CFAP77: variants seen among roughly 807,000 people sequenced by gnomAD.
CFAP77 encodes cilia- and flagella-associated protein 77.
CFAP77 carries 25 observed loss-of-function variants against 31.1 expected under a neutral mutation model. The observed-to-expected ratio is 0.80, with a 90% CI of 0.59 to 1.12. The LOEUF (loss-of-function observed/expected upper bound fraction) is 1.12. CFAP77 is among the 50% of genes most tolerant of loss of function. The pLI, the probability that CFAP77 is intolerant of heterozygous loss-of-function variation, is 0.00. For missense variants in CFAP77, 377 were observed against 397.3 expected, an observed-to-expected ratio of 0.95 and a Z score of 0.44; for synonymous variants, 151 against 159.9, an observed-to-expected ratio of 0.94 and a Z score of 0.42.
intron 1 of CFAP77, chr9:132,482,428 C>T (rs1316829844): frequency 1.2e-6 from 2 of 1,603,258 alleles, no homozygotes; most frequent in Admixed American, 1.7e-5. Context: ...GTGTTTCTTC[C>T]TTCTGCTAAA....
intron 3 of CFAP77, among the ~76,000 whole-genome samples, chr9:132,532,391 CG>C (rs1419151421): frequency 6.6e-6 from 1 of 152,306 alleles, no homozygotes; most frequent in East Asian, 1.9e-4. Flanking sequence ...CCTGATAGGG[CG>C]ATAGGGCAGG....
chr9:132,534,167 C>T (rs1316620433), intron 3 of CFAP77, among the ~76,000 whole-genome samples: 1 of 152,148 alleles, frequency 6.6e-6, no homozygotes, highest in Non-Finnish European at 1.5e-5. Flanking sequence ...GACCCATCTG[C>T]TGGGAAGCTC....
In CFAP77 at chr9:132,553,307, T is replaced by A. The variant is rs75695921; in HGVS notation, c.732+10260T>A. On this transcript the variant is annotated intron_variant, in intron 5 of 5. Transcript: ENST00000393216. ...TCACACTGGGGGTCAGGGATTCACA[T>A]ACGCTTTTTGTTGGCTGAGCATGGT... Among the ~76,000 whole-genome samples, 1,127 of 152,226 alleles carry A rather than the reference T, an allele frequency of 7.4e-3. 18 individuals carry two copies. Among genetic ancestry groups the A allele is most frequent in the African/African-American group, 0.026 (1,067 of 41,524 alleles).
intron 3 of CFAP77, among the ~76,000 whole-genome samples, chr9:132,536,968 G>C (rs947282643): frequency 1.3e-5 from 2 of 152,124 alleles, no homozygotes; most frequent in African/African-American, 4.8e-5. Flanking sequence ...GCTGGAAATC[G>C]TTGTCAAAGG....
chr9:132,469,600 C>T (rs1247149109), intron 1 of CFAP77, among the ~76,000 whole-genome samples: 1 of 152,142 alleles, frequency 6.6e-6, no homozygotes, highest in Non-Finnish European at 1.5e-5. Flanking sequence ...CTGCAAAGTC[C>T]ATGCATCACT....
intron 1 of CFAP77, among the ~76,000 whole-genome samples, chr9:132,431,095 A>G (rs1443328620): frequency 2.0e-5 from 3 of 152,206 alleles, no homozygotes; most frequent in Non-Finnish European, 4.4e-5. Context: ...AGAGCCAGAG[A>G]AGGGAAGTCC....
At chr9:132,429,415 G>A (rs941411202) in intron 1 of CFAP77, among the ~76,000 whole-genome samples, 2 of 151,682 alleles carry the variant, frequency 1.3e-5, no homozygotes, top group South Asian at 4.2e-4. Context: ...GGCGGTTCCT[G>A]TAGTCCCAGC....
chr9:132,547,097 G>A (rs1852744760), intron 5 of CFAP77, among the ~76,000 whole-genome samples: 1 of 152,206 alleles, frequency 6.6e-6, no homozygotes, highest in African/African-American at 2.4e-5. Context: ...CTGGGCTGGG[G>A]CTGATGCCCT....
rs958954633 is a variant in CFAP77, at chr9:132,497,073, G to A, written c.196-1622G>A. 6.6e-6 allele frequency among the ~76,000 whole-genome samples: 1 copy of A among 152,084 alleles called. No homozygotes were observed. The highest frequency in any genetic ancestry group is 2.4e-5 in the African/African-American group (1 of 41,400). On this transcript the variant is annotated intron_variant, in intron 1 of 5. Coordinates refer to ENST00000393216, the MANE Select transcript of CFAP77 (RefSeq NM_001282957.2). The surrounding 1 kb of genome is among the most constrained non-coding windows in gnomAD (Gnocchi z 4.9). Reference sequence around the variant, plus strand: ...CCAGTAAGGGTGGGCCTTGAGCAAAGAGCAATGGAGGTGGCTGGGATGCCT... The same window carrying A: ...CCAGTAAGGGTGGGCCTTGAGCAAAAAGCAATGGAGGTGGCTGGGATGCCT...
intron 1 of CFAP77, among the ~76,000 whole-genome samples, chr9:132,487,761 A>G (rs1851587527): frequency 6.6e-6 from 1 of 152,046 alleles, no homozygotes; most frequent in Non-Finnish European, 1.5e-5. Context: ...CACTCACACA[A>G]TGCACAGGGT....
chr9:132,435,920 G>A (rs1850497765), intron 1 of CFAP77, among the ~76,000 whole-genome samples: 1 of 152,110 alleles, frequency 6.6e-6, no homozygotes, highest in Admixed American at 6.6e-5. Context: ...TGCTAAGTGG[G>A]ATTTTTATGC....
intron 1 of CFAP77, among the ~76,000 whole-genome samples, chr9:132,419,681 G>A (rs1850175197): frequency 6.6e-6 from 1 of 151,890 alleles, no homozygotes; most frequent in Non-Finnish European, 1.5e-5. Flanking sequence ...CAAGATATTG[G>A]CTTTTTTTTT....
At chr9:132,419,370 C>G (rs1312357622) in intron 1 of CFAP77, among the ~76,000 whole-genome samples, 1 of 152,164 alleles carries the variant, frequency 6.6e-6, no homozygotes, top group Non-Finnish European at 1.5e-5. Context: ...TTGTTTGTAA[C>G]CAATAGCACA....
At chr9:132,419,884 G>A (rs1248847944) in intron 1 of CFAP77, among the ~76,000 whole-genome samples, 1 of 152,112 alleles carries the variant, frequency 6.6e-6, no homozygotes, top group Admixed American at 6.5e-5. Context: ...TGGGTGGCTG[G>A]GGGCAGTGAC....
chr9:132,550,489 G>T (rs894330454), intron 5 of CFAP77, among the ~76,000 whole-genome samples: 9 of 148,900 alleles, frequency 6.0e-5, no homozygotes, highest in African/African-American at 2.0e-4. Context: ...AATTTGGGGA[G>T]CAGCATCTTC....
chr9:132,510,609 T>C (rs1321778849), intron 3 of CFAP77, among the ~76,000 whole-genome samples: 2 of 152,092 alleles, frequency 1.3e-5, no homozygotes, highest in Admixed American at 1.3e-4. Flanking sequence ...GAGCGCGTCA[T>C]GCAGAGGAGC....
At chr9:132,451,329 A>G (rs1344613295) in intron 1 of CFAP77, among the ~76,000 whole-genome samples, 1 of 138,530 alleles carries the variant, frequency 7.2e-6, no homozygotes, top group Non-Finnish European at 1.5e-5. Flanking sequence ...CAAGAGCGAA[A>G]CTCCATCTTA....
At chr9:132,460,233 T>C (rs1257015407) in intron 1 of CFAP77, among the ~76,000 whole-genome samples, 1 of 152,182 alleles carries the variant, frequency 6.6e-6, no homozygotes, top group African/African-American at 2.4e-5. Context: ...GCGGTCAGAC[T>C]GCCTGGCCAC....
At position 132,501,402 on chromosome 9, in the gene CFAP77, C is replaced by CTTTT. The variant is rs750312944; in HGVS notation, c.524+1814_524+1817dup. 7.0e-6 allele frequency among the ~76,000 whole-genome samples: 1 copy of CTTTT among 142,004 alleles called. No homozygotes were observed. The allele number at this position is 142,004 out of a possible 152,430, so 93.2% of individuals were successfully genotyped here. On this transcript the variant is annotated intron_variant, in intron 3 of 5. Transcript: ENST00000393216. This position sits in a 1 kb window ranked among gnomAD's most constrained non-coding sequence, Gnocchi z 4.6. The stretch of plus-strand genomic sequence containing the variant: ...CCAGCTCAGGTTACATGACTATCTT[C>CTTTT]TTTTTTTTTTTTTTTGGACAGTGTC...
Sources: gnomAD v4.1 joint callset for allele counts (sites outside exome capture counted in the v4.1 genomes callset) on GRCh38, gnomAD v4.1.1 for gene constraint, Gnocchi (gnomAD v3.1) non-coding constraint, MANE v1.5 for transcripts, NCBI Gene and HGNC (gene_info 2026-07-23, HGNC 2026-07-21) for gene names.